Variants in NALF1 observed in about 807,000 individuals in gnomAD.
The protein encoded by NALF1 is family with sequence similarity 155 member A.
A neutral mutation model predicts 48.4 loss-of-function variants in NALF1; 3 were observed. The observed-to-expected ratio is 0.06, with a 90% CI of 0.03 to 0.16. NALF1 has a LOEUF of 0.16. Among genes scored for constraint, NALF1 ranks in the 10% least tolerant of loss-of-function variants. NALF1 has a pLI of 1.00. For synonymous variants in NALF1, 262 were observed against 245.7 expected (o/e 1.07, Z -0.62); for missense variants, 526 against 571.5 (o/e 0.92, Z 0.81).
intron 1 of NALF1, among the ~76,000 whole-genome samples, chr13:107,817,379 T>C (rs1338331073): frequency 6.6e-6 from 1 of 152,192 alleles, no homozygotes; most frequent in African/African-American, 2.4e-5. Flanking sequence ...TTTGGTAGAC[T>C]TAAGCAGAGA....
intron 1 of NALF1, among the ~76,000 whole-genome samples, chr13:107,544,885 G>A (rs1440529506): frequency 2.0e-5 from 3 of 152,170 alleles, no homozygotes; most frequent in African/African-American, 7.2e-5. Flanking sequence ...TGGAGCTACA[G>A]GTGAACAGAA....
At chr13:107,244,022 T>C (rs1880528922) in intron 1 of NALF1, among the ~76,000 whole-genome samples, 1 of 152,214 alleles carries the variant, frequency 6.6e-6, no homozygotes, top group Non-Finnish European at 1.5e-5. Flanking sequence ...TTGCCTTTTG[T>C]AGTGAACTCA....
intron 1 of NALF1, among the ~76,000 whole-genome samples, chr13:107,389,981 A>G (rs1233246152): frequency 6.6e-6 from 1 of 152,182 alleles, no homozygotes; most frequent in Non-Finnish European, 1.5e-5. Flanking sequence ...TAAAACTTCT[A>G]GGTTTGATTT....
intron 1 of NALF1, among the ~76,000 whole-genome samples, chr13:107,643,912 A>T (rs969845884): frequency 1.3e-5 from 2 of 151,722 alleles, no homozygotes; most frequent in Non-Finnish European, 2.9e-5. Flanking sequence ...TGAGAGAGAG[A>T]AGTTGAGAGT....
chr13:107,372,106 G>A (rs1883258416), intron 1 of NALF1, among the ~76,000 whole-genome samples: 1 of 147,926 alleles, frequency 6.8e-6, no homozygotes, highest in Non-Finnish European at 1.5e-5. Flanking sequence ...AGCCTGCACA[G>A]CCGCAGAACA....
At chr13:107,478,050 G>C (rs551179081) in intron 1 of NALF1, among the ~76,000 whole-genome samples, 1 of 152,050 alleles carries the variant, frequency 6.6e-6, no homozygotes, top group Non-Finnish European at 1.5e-5. Flanking sequence ...TGCTCTCTGC[G>C]TTTAAAACTC....
intron 1 of NALF1, among the ~76,000 whole-genome samples, chr13:107,781,818 T>C (rs999452896): frequency 1.3e-5 from 2 of 152,184 alleles, no homozygotes; most frequent in African/African-American, 4.8e-5. Flanking sequence ...TTGCCTGTAA[T>C]CATTATGTGG....
chr13:107,669,268 A>C (rs1314005789), intron 1 of NALF1, among the ~76,000 whole-genome samples: 1 of 152,122 alleles, frequency 6.6e-6, no homozygotes, highest in Admixed American at 6.6e-5. Flanking sequence ...TTGCATATGA[A>C]AACACTTTAT....
intron 1 of NALF1, among the ~76,000 whole-genome samples, chr13:107,807,425 C>T (rs1203142962): frequency 1.3e-5 from 2 of 152,112 alleles, no homozygotes; most frequent in South Asian, 2.1e-4. Flanking sequence ...AAATGACACA[C>T]CAATATGTGA....
intron 1 of NALF1, among the ~76,000 whole-genome samples, chr13:107,249,583 G>C (rs1266424640): frequency 6.6e-6 from 1 of 151,908 alleles, no homozygotes; most frequent in African/African-American, 2.4e-5. Context: ...CTGAAGGGTG[G>C]CAAACTCTTA....
chr13:107,364,916 T>C (rs934528802), intron 1 of NALF1, among the ~76,000 whole-genome samples: 2 of 125,374 alleles, frequency 1.6e-5, no homozygotes, highest in Admixed American at 7.8e-5. Flanking sequence ...TCCCTCTCCC[T>C]CTCCCCTGCC....
rs539608733 is a variant in NALF1 at position 107,599,196 on chromosome 13, A to G, written c.915+266486T>C. On this transcript the variant is annotated intron_variant, in intron 1 of 2. Coordinates refer to ENST00000375915, the MANE Select transcript of NALF1 (RefSeq NM_001080396.3). Reference sequence around the variant, plus strand: ...ATTATATTGGGAGGCCGAGGCGGGCAGATCACGAGGTCAGGAGATGGAGAC... The same window carrying G: ...ATTATATTGGGAGGCCGAGGCGGGCGGATCACGAGGTCAGGAGATGGAGAC... Among the ~76,000 whole-genome samples the G allele has an allele frequency of 1.6e-3, 242 of 152,164 alleles. 1 individual carries two copies. Among genetic ancestry groups the G allele is most frequent in the African/African-American group, 5.5e-3 (228 of 41,522 alleles).
intron 1 of NALF1, among the ~76,000 whole-genome samples, chr13:107,564,524 G>C (rs1877739485): frequency 6.6e-6 from 1 of 152,126 alleles, no homozygotes; most frequent in African/African-American, 2.4e-5. Context: ...GTGTAATAAA[G>C]ACCAAACCTA....
At chr13:107,468,832 T>C (rs1295440531) in intron 1 of NALF1, among the ~76,000 whole-genome samples, 1 of 152,108 alleles carries the variant, frequency 6.6e-6, no homozygotes, top group African/African-American at 2.4e-5. Flanking sequence ...TTAAAGAAGA[T>C]AATTATTTTA....
chr13:107,257,277 A>T (rs916123659), intron 1 of NALF1, among the ~76,000 whole-genome samples: 9 of 152,102 alleles, frequency 5.9e-5, no homozygotes, highest in South Asian at 2.1e-4. Flanking sequence ...GTTAGTTGTT[A>T]ACCATTTATG....
At chr13:107,720,510 CAA>C (rs56380251) in intron 1 of NALF1, among the ~76,000 whole-genome samples, 28 of 59,850 alleles carry the variant, frequency 4.7e-4, no homozygotes, top group South Asian at 2.4e-3. Context: ...GACTGCATCT[CAA>C]AAAAAAAAAA....
intron 1 of NALF1, among the ~76,000 whole-genome samples, chr13:107,256,228 C>A (rs56225714): frequency 6.6e-6 from 1 of 152,060 alleles, no homozygotes. Flanking sequence ...CTGCTGTCTG[C>A]GCTCTTGAGA....
At chr13:107,227,684 A>C (rs1184757699) in intron 1 of NALF1, among the ~76,000 whole-genome samples, 1 of 152,214 alleles carries the variant, frequency 6.6e-6, no homozygotes, top group Non-Finnish European at 1.5e-5. Flanking sequence ...TGAGATTGAC[A>C]ATGAAGTGGA....
intron 1 of NALF1, among the ~76,000 whole-genome samples, chr13:107,269,536 A>C (rs929286614): frequency 6.6e-6 from 1 of 152,140 alleles, no homozygotes; most frequent in Non-Finnish European, 1.5e-5. Flanking sequence ...ACTTATTTGT[A>C]TTTCTGTATG....
Sources: gnomAD v4.1 joint callset for allele counts (sites outside exome capture counted in the v4.1 genomes callset) on GRCh38, gnomAD v4.1.1 for gene constraint, MANE v1.5 for transcripts, NCBI Gene and HGNC (gene_info 2026-07-23, HGNC 2026-07-21) for gene names.